The following DOCK2 variants were observed in gnomAD, a reference collection of about 807,000 sequenced individuals.
DOCK2 encodes the protein dedicator of cytokinesis protein 2.
In DOCK2, 87 loss-of-function variants were observed where a neutral mutation model predicts 248.9. That is an observed-to-expected ratio of 0.35 (90% CI 0.29 to 0.42). The LOEUF (loss-of-function observed/expected upper bound fraction) is 0.42, where lower values mean the gene tolerates loss of function less well. Among genes scored for constraint, DOCK2 ranks in the 10% least tolerant of loss-of-function variants. The pLI, the probability that DOCK2 is intolerant of heterozygous loss-of-function variation, is 1.00. For missense variants in DOCK2, 1,747 were observed against 2,300.2 expected (o/e 0.76, Z 4.92); for synonymous variants, 805 against 821.6 (o/e 0.98, Z 0.35).
chr5:169,704,759 A>ATATGTG (rs1207381620), intron 14 of DOCK2, among the ~76,000 whole-genome samples: 14 of 140,016 alleles, frequency 1.0e-4, no homozygotes, highest in Admixed American at 2.1e-4. Context: ...CTCCATATAT[A>ATATGTG]TGTGTGTGTG....
chr5:169,676,472 G>C (rs1016864644), intron 6 of DOCK2, among the ~76,000 whole-genome samples: 1 of 152,130 alleles, frequency 6.6e-6, no homozygotes, highest in Non-Finnish European at 1.5e-5. Flanking sequence ...GTTTCCTTTG[G>C]GGAAGTGAGG....
At chr5:169,791,457 G>A (rs1013389824) in intron 25 of DOCK2, among the ~76,000 whole-genome samples, 1 of 152,098 alleles carries the variant, frequency 6.6e-6, no homozygotes, top group East Asian at 1.9e-4. Context: ...CAGTCCCCTG[G>A]GACTGTAACT....
At chr5:169,737,639 G>A (rs908083245) in intron 22 of DOCK2, among the ~76,000 whole-genome samples, 18 of 152,096 alleles carry the variant, frequency 1.2e-4, no homozygotes, top group African/African-American at 4.3e-4. Flanking sequence ...GAGGGTTGAA[G>A]TTAACTTGAT....
chr5:170,065,811 A>G (rs1757470279), intron 44 of DOCK2, among the ~76,000 whole-genome samples: 1 of 152,190 alleles, frequency 6.6e-6, no homozygotes, highest in Non-Finnish European at 1.5e-5. Context: ...GAATTATGGG[A>G]GCTACAAGAT....
chr5:170,014,568 C>CT (rs1755437937), intron 32 of DOCK2, among the ~76,000 whole-genome samples: 2 of 143,976 alleles, frequency 1.4e-5, no homozygotes, highest in South Asian at 2.1e-4. Context: ...ACTCATGCAG[C>CT]TTGTAGCTTC....
chr5:169,656,004 G>A (rs1758088358), intron 2 of DOCK2, among the ~76,000 whole-genome samples: 2 of 152,156 alleles, frequency 1.3e-5, no homozygotes, highest in African/African-American at 4.8e-5. Context: ...TTTACGCAAG[G>A]AGTGGACAAG....
At chr5:169,977,485 C>T (rs546147008) in intron 27 of DOCK2, among the ~76,000 whole-genome samples, 2 of 152,182 alleles carry the variant, frequency 1.3e-5, no homozygotes, top group Admixed American at 1.3e-4. Flanking sequence ...ATTAATTGAA[C>T]CCTCACCAAA....
intron 23 of DOCK2, among the ~76,000 whole-genome samples, chr5:169,748,057 T>TG (rs772127253): frequency 1.3e-5 from 2 of 152,216 alleles, no homozygotes; most frequent in East Asian, 3.8e-4. Flanking sequence ...AGAATGCACT[T>TG]GCAGGCACTG....
chr5:169,782,717 C>T (rs1178937110), intron 25 of DOCK2, among the ~76,000 whole-genome samples: 3 of 152,118 alleles, frequency 2.0e-5, no homozygotes, highest in African/African-American at 7.2e-5. Context: ...TTGCTTTACC[C>T]ATCCTTGCCT....
rs374481740 is a variant in DOCK2, at chr5:169,789,104, G to GT, written c.2555-13952dup. Among the ~76,000 whole-genome samples the GT allele has an allele frequency of 4.7e-4, 72 of 152,252 alleles. 1 individual carries two copies. The highest frequency in any genetic ancestry group is 1.7e-3 in the African/African-American group (69 of 41,548). On this transcript the variant is annotated intron_variant, in intron 25 of 51. Transcript: ENST00000520908. ...GAGAACATGTAGTATCTGGTTTTCT[G>GT]TTCCTGCATTAGTTTGCTAAGGATA...
intron 30 of DOCK2, among the ~76,000 whole-genome samples, chr5:169,998,249 C>T (rs529653034): frequency 4.6e-5 from 7 of 152,304 alleles, no homozygotes; most frequent in African/African-American, 1.7e-4. Context: ...AGTATAAAGA[C>T]CTTGAACACA....
chr5:169,829,600 C>T (rs1010896278), intron 26 of DOCK2, among the ~76,000 whole-genome samples: 1 of 152,094 alleles, frequency 6.6e-6, no homozygotes, highest in African/African-American at 2.4e-5. Flanking sequence ...GGTACAGAAC[C>T]CAGGGCCTAT....
intron 8 of DOCK2, among the ~76,000 whole-genome samples, chr5:169,685,097 T>C (rs905680944): frequency 6.6e-6 from 1 of 152,236 alleles, no homozygotes; most frequent in Non-Finnish European, 1.5e-5. Context: ...AGGTTGTTAA[T>C]GTTTCTTAAG....
intron 27 of DOCK2, among the ~76,000 whole-genome samples, chr5:169,944,107 T>G (rs1362281151): frequency 6.6e-6 from 1 of 152,170 alleles, no homozygotes; most frequent in Non-Finnish European, 1.5e-5. Flanking sequence ...CATTTAACAC[T>G]AACCATGGCT....
chr5:169,757,508 T>G (rs1764258170), intron 23 of DOCK2, among the ~76,000 whole-genome samples: 1 of 152,196 alleles, frequency 6.6e-6, no homozygotes, highest in South Asian at 2.1e-4. Context: ...AGACAATGGC[T>G]TTGGAATGTT....
Position 169,699,473 on chromosome 5 carries a change from T to C in DOCK2, c.1132+15T>C. The C allele has an allele frequency of 6.2e-7, 1 of 1,609,522 alleles. No individual in the cohort carries two copies. On this transcript the variant is annotated intron_variant, in intron 12 of 51. Transcript: ENST00000520908. Reference sequence around the variant, plus strand: ...TGGAGGGCAAGGTAAAGTGCCAATATGCCAGTGGGCTGAGCCTGCTCCAGC... The same window carrying C: ...TGGAGGGCAAGGTAAAGTGCCAATACGCCAGTGGGCTGAGCCTGCTCCAGC...
chr5:169,700,139 G>C lies in DOCK2; in HGVS notation c.1258G>C (p.Gly420Arg). The change falls in exon 13 of 52, where the codon GGG becomes CGG. Residue 420 changes from glycine to arginine, a missense_variant and splice_region_variant. Gly to Arg is a moderately radical substitution (Grantham distance 125, BLOSUM62 -2). Transcript: ENST00000520908. ...KLGFPEIIMPGDVRNDIYITL... is the reference protein window; with the variant it reads ...KLGFPEIIMPRDVRNDIYITL... ...GGGATTCCCAGAGATCATCATGCCAGGTGAGACACAGCTGCTCTGACCTTC... is the reference window on the plus strand; with the variant it reads ...GGGATTCCCAGAGATCATCATGCCACGTGAGACACAGCTGCTCTGACCTTC... 1 of 1,613,502 alleles carries C rather than the reference G, an allele frequency of 6.2e-7. No homozygotes were observed. Among genetic ancestry groups the C allele is most frequent in the Non-Finnish European group, 8.5e-7 (1 of 1,179,622 alleles).
At chr5:170,082,309 A>C (rs2113881661) in intron 51 of DOCK2, among the ~76,000 whole-genome samples, 1 of 152,198 alleles carries the variant, frequency 6.6e-6, no homozygotes, top group East Asian at 1.9e-4. Context: ...TATATCACAA[A>C]ATCCTACAAA....
At chr5:169,890,270 A>G (rs1773208102) in intron 27 of DOCK2, among the ~76,000 whole-genome samples, 1 of 151,856 alleles carries the variant, frequency 6.6e-6, no homozygotes, top group Admixed American at 6.6e-5. Flanking sequence ...TATGTCTTCC[A>G]CTCTTTTTCT....
Sources: allele counts gnomAD v4.1 joint callset (sites outside exome capture counted in the v4.1 genomes callset), GRCh38; gene constraint gnomAD v4.1.1; transcripts MANE v1.5; gene names NCBI Gene and HGNC (gene_info 2026-07-23, HGNC 2026-07-21).